Variants in SLC30A5 observed in about 807,000 individuals in gnomAD.
SLC30A5 encodes the protein solute carrier family 30 member 5.
SLC30A5 carries 33 observed loss-of-function variants against 79.6 expected under a neutral mutation model. That is an observed-to-expected ratio of 0.41 (90% CI 0.31 to 0.55). The LOEUF is 0.55. Ranked by LOEUF, SLC30A5 falls within the 20% of genes least tolerant of loss-of-function variation. The pLI is 0.20. For synonymous variants in SLC30A5, 299 were observed against 319.7 expected, an observed-to-expected ratio of 0.94 and a Z score of 0.69; for missense variants, 788 against 928.1, an observed-to-expected ratio of 0.85 and a Z score of 1.96.
At chr5:69,120,017 CAAA>C (rs35168466) in intron 12 of SLC30A5, among the ~76,000 whole-genome samples, 1 of 64,210 alleles carries the variant, frequency 1.6e-5, no homozygotes, top group Non-Finnish European at 2.8e-5. Context: ...GACTCTGCCT[CAAA>C]AAAAAAAAAA....
intron 11 of SLC30A5, 137 bp from the exon 12 acceptor site, chr5:69,118,362 A>T (rs945163647): frequency 1.5e-4 from 53 of 363,906 alleles, no homozygotes; most frequent in Non-Finnish European, 2.3e-4. Context: ...CATTAATATG[A>T]TATTTAAAAT....
At position 69,116,288 on chromosome 5, in the gene SLC30A5, T is replaced by A. The variant is rs1746371582; in HGVS notation, c.1072+74T>A. 6.6e-7 allele frequency: 1 copy of A among 1,509,100 alleles called. No homozygotes were observed. The highest frequency in any genetic ancestry group is 1.4e-5 in the African/African-American group (1 of 71,480). The allele number at this position is 1,509,100 out of a possible 1,614,324, so 93.5% of individuals were successfully genotyped here. ...TTTTGATGGTCACATCATTTACTTA[T>A]TTTGGGAAATTCTTCAGTGCTTGCA... On this transcript the variant is annotated intron_variant, in intron 9 of 15. Coordinates refer to ENST00000396591, the MANE Select transcript of SLC30A5 (RefSeq NM_022902.5). The surrounding 1 kb of genome is among the most constrained non-coding windows in gnomAD (Gnocchi z 4.0).
Position 69,116,311 on chromosome 5 carries a change from G to A in SLC30A5, c.1073-83G>A. On this transcript the variant is annotated intron_variant, in intron 9 of 15. Coordinates refer to ENST00000396591, the MANE Select transcript of SLC30A5 (RefSeq NM_022902.5). This position sits in a 1 kb window ranked among gnomAD's most constrained non-coding sequence, Gnocchi z 4.0. ...TATTTTGGGAAATTCTTCAGTGCTTGCATTTAGTGCCGACAGTTACTGTGT... is the reference window on the plus strand; with the variant it reads ...TATTTTGGGAAATTCTTCAGTGCTTACATTTAGTGCCGACAGTTACTGTGT... The A allele has an allele frequency of 6.7e-7, 1 of 1,491,196 alleles. No homozygotes were observed. The highest frequency in any genetic ancestry group is 9.0e-7 in the Non-Finnish European group (1 of 1,110,954). The allele number at this position is 1,491,196 out of a possible 1,614,324, so 92.4% of individuals were successfully genotyped here. A position where few individuals can be genotyped will look rare whatever the true frequency, so the allele number is the denominator to read the frequency against.
rs928408962 is a variant in SLC30A5 at position 69,117,230 on chromosome 5, C to A, written c.1282-9C>A. On this transcript the variant is annotated splice_polypyrimidine_tract_variant and intron_variant, in intron 10 of 15. Transcript: ENST00000396591. ...ATACTCCTCCCTTTTTTTTTGGTGA[C>A]ATTTTTAGCTTTTTACCTTTGTGGA... 4.4e-6 allele frequency: 7 copies of A among 1,602,292 alleles called. No individual in the cohort carries two copies. The highest frequency in any genetic ancestry group is 3.4e-6 in the Non-Finnish European group (4 of 1,173,730).
At chr5:69,121,058 T>C (rs1746521792) in intron 12 of SLC30A5, among the ~76,000 whole-genome samples, 1 of 152,142 alleles carries the variant, frequency 6.6e-6, no homozygotes, top group Non-Finnish European at 1.5e-5. Flanking sequence ...CCCAACACTT[T>C]TGGAGGCCAA....
intron 14 of SLC30A5, among the ~76,000 whole-genome samples, chr5:69,125,381 C>T (rs1746647749): frequency 6.7e-6 from 1 of 148,876 alleles, no homozygotes; most frequent in South Asian, 2.1e-4. Flanking sequence ...AAAAAATTAG[C>T]CGGGCATGGT....
Position 69,118,560 on chromosome 5 carries a change from T to G in SLC30A5, c.1501T>G (p.Phe501Val), listed in dbSNP as rs201576205. 1.9e-6 allele frequency: 3 copies of G among 1,603,588 alleles called. No individual in the cohort carries two copies. Among genetic ancestry groups the G allele is most frequent in the East Asian group, 2.3e-5 (1 of 43,932 alleles). ...INGLFLIVIA[F>V]FVFMESVARL... ...TGGACTTTTTCTAATAGTAATAGCG[T>G]TTTTTGTGTTTATGGAGTCAGTGGC... is the stretch of plus-strand genomic sequence containing the variant. The change falls in exon 12 of 16, where the codon TTT becomes GTT. Residue 501 changes from phenylalanine to valine, a missense_variant. Physicochemically the swap from Phe to Val is conservative, Grantham distance 50. This residue lies in a region of SLC30A5 where 626 missense variants were observed against 755.5 expected (regional missense o/e 0.83). Transcript: ENST00000396591.
chr5:69,125,482 C>T (rs796590781), intron 14 of SLC30A5, among the ~76,000 whole-genome samples: 5 of 150,094 alleles, frequency 3.3e-5, no homozygotes, highest in East Asian at 4.0e-4. Context: ...GCTGAGATCA[C>T]GCCATGGCAA....
intron 4 of SLC30A5, 106 bp downstream of exon 4, chr5:69,104,822 C>A: frequency 1.7e-6 from 2 of 1,163,060 alleles, no homozygotes; most frequent in South Asian, 3.0e-5. Flanking sequence ...ACAAATGTGT[C>A]TAGCACTTTT....
At chr5:69,121,106 G>T (rs1261122132) in intron 12 of SLC30A5, among the ~76,000 whole-genome samples, 1 of 152,114 alleles carries the variant, frequency 6.6e-6, no homozygotes, top group African/African-American at 2.4e-5. Flanking sequence ...TTTGAGGACA[G>T]CCTGGGCAAC....
At chr5:69,105,563 G>C (rs1746058438) in intron 4 of SLC30A5, among the ~76,000 whole-genome samples, 2 of 151,814 alleles carry the variant, frequency 1.3e-5, no homozygotes, top group African/African-American at 2.4e-5. Context: ...ACAAAAATTA[G>C]CCAGAAATCA....
rs1223473160 is a variant in SLC30A5 at position 69,129,494 on chromosome 5, A to G, written c.2175A>G (p.Gln725=). 2.5e-6 allele frequency: 4 copies of G among 1,613,458 alleles called. No individual in the cohort carries two copies. The highest frequency in any genetic ancestry group is 1.1e-5 in the South Asian group (1 of 91,022). Residue 725 remains glutamine (Q), a synonymous_variant, in exon 16 of 16, where the codon CAA becomes CAG. Coordinates refer to ENST00000396591, the MANE Select transcript of SLC30A5 (RefSeq NM_022902.5). ...CTGGAGTAAACAATTTAACAATTCA[A>G]GTGGAAAAGGAGGCATACTTTCAAC... ...KDAGVNNLTI[Q]VEKEAYFQHM... is the part of the protein sequence containing the mutation.
rs769820055 is a variant in SLC30A5 at position 69,129,559 on chromosome 5, C to G, written c.2240C>G (p.Ala747Gly). 6.2e-7 allele frequency: 1 copy of G among 1,613,086 alleles called. No individual in the cohort carries two copies. The highest frequency in any genetic ancestry group is 2.2e-5 in the East Asian group (1 of 44,750). Residue 747 changes from alanine (A) to glycine (G), a missense_variant, in exon 16 of 16, where the codon GCT becomes GGT. Physicochemically the swap from Ala to Gly is moderately conservative, Grantham distance 60 (BLOSUM62 0). Coordinates refer to ENST00000396591, the MANE Select transcript of SLC30A5 (RefSeq NM_022902.5). ...GLSTGFHDVLAMTKQMESMKY... is the reference protein window; with the variant it reads ...GLSTGFHDVLGMTKQMESMKY... ...AGTACTGGATTTCATGATGTTCTGG[C>G]TATGACAAAACAAATGGAATCCATG...
chr5:69,127,879 T>C (rs1347608106), intron 14 of SLC30A5, 125 bp from the exon 15 acceptor site: 2 of 744,856 alleles, frequency 2.7e-6, no homozygotes, highest in African/African-American at 3.5e-5. Context: ...GTTTTGTATT[T>C]TAAAGAGCTT....
chr5:69,107,024 C>G (rs1210561724), intron 4 of SLC30A5, among the ~76,000 whole-genome samples: 1 of 152,062 alleles, frequency 6.6e-6, no homozygotes, highest in Non-Finnish European at 1.5e-5. Context: ...ACCACCACAC[C>G]TGGCTAACTT....
At chr5:69,100,687 C>A in intron 1 of SLC30A5, 120 bp from the exon 2 acceptor site, 2 of 710,936 alleles carry the variant, frequency 2.8e-6, no homozygotes, top group Non-Finnish European at 4.4e-6. Context: ...TGTTTTGTTT[C>A]ATTTTGTGTT....
chr5:69,117,855 C>T lies in SLC30A5; in HGVS notation c.1439+459C>T, dbSNP rs1479189692. Among the ~76,000 whole-genome samples the T allele has an allele frequency of 1.9e-3, 232 of 123,430 alleles. No individual in the cohort carries two copies. In the Middle Eastern group the frequency reaches 0.022, roughly 12 times the overall value. The allele number at this position is 123,430 out of a possible 152,430, so 81.0% of individuals were successfully genotyped here. A position where few individuals can be genotyped will look rare whatever the true frequency, so the allele number is the denominator to read the frequency against. ...TCGTGCCACTGCACTCCAGCCTGGG[C>T]AACAGAGTGAGACTATGTCTCAAAA... On this transcript the variant is annotated intron_variant, in intron 11 of 15. Transcript: ENST00000396591.
Position 69,112,623 on chromosome 5 carries a change from T to A in SLC30A5, c.448-517T>A, listed in dbSNP as rs73775848. On this transcript the variant is annotated intron_variant, in intron 5 of 15. Coordinates refer to ENST00000396591, the MANE Select transcript of SLC30A5 (RefSeq NM_022902.5). ...GATCTGTCTGAAAAAAAAAAAAAAA[T>A]TTTCCCTGGAATGAGAACATAAATT... is the stretch of plus-strand genomic sequence containing the variant. 9.6e-3 allele frequency among the ~76,000 whole-genome samples: 1,452 copies of A among 151,596 alleles called. 23 individuals carry two copies. The highest frequency in any genetic ancestry group is 0.033 in the African/African-American group (1,364 of 41,354).
rs796626269 is a variant in SLC30A5, at chr5:69,128,518, C to T, written c.2127+386C>T. ...CCTCAGGTGATCCGCCTGCCTCGAC[C>T]TCCCAAAGTGCTGGGTTTATAGGCA... On this transcript the variant is annotated intron_variant, in intron 15 of 15. Coordinates refer to ENST00000396591, the MANE Select transcript of SLC30A5 (RefSeq NM_022902.5). Among the ~76,000 whole-genome samples the T allele has an allele frequency of 1.1e-4, 17 of 152,278 alleles. 1 individual carries two copies. The highest frequency in any genetic ancestry group is 4.1e-4 in the African/African-American group (17 of 41,570).
Sources: gnomAD v4.1 joint callset for allele counts (sites outside exome capture counted in the v4.1 genomes callset) on GRCh38, gnomAD v4.1.1 for gene constraint, gnomAD v4.1.1 regional missense constraint, Gnocchi (gnomAD v3.1) non-coding constraint, MANE v1.5 for transcripts, NCBI Gene and HGNC (gene_info 2026-07-23, HGNC 2026-07-21) for gene names.